The following MTSS1 variants were observed in gnomAD, a reference collection of about 807,000 sequenced individuals.
MTSS1 encodes the protein MTSS I-BAR domain containing 1.
MTSS1 carries 18 observed loss-of-function variants against 79.0 expected under a neutral mutation model. The ratio of observed to expected loss-of-function variants is 0.23; its 90% CI spans 0.16 to 0.34. The LOEUF (loss-of-function observed/expected upper bound fraction) is 0.34. Among genes scored for constraint, MTSS1 ranks in the 10% least tolerant of loss-of-function variants. The pLI, the probability that MTSS1 is intolerant of heterozygous loss-of-function variation, is 1.00. For missense variants in MTSS1, 815 were observed against 986.2 expected, an observed-to-expected ratio of 0.83 and a Z score of 2.33; for synonymous variants, 341 against 368.6, an observed-to-expected ratio of 0.93 and a Z score of 0.86.
intron 5 of MTSS1, 63 bp from the exon 6 acceptor site, chr8:124,585,224 GGAAACAGCCATTACATTTATCACA>G: frequency 8.4e-7 from 1 of 1,188,440 alleles, no homozygotes; most frequent in South Asian, 1.3e-5. Context: ...ATGTTAGGTA[GGAAACAGCCATTACATTTATCACA>G]GAAAGCATAA....
At chr8:124,567,306 G>A in intron 7 of MTSS1, 128 bp from the exon 8 acceptor site, 2 of 790,662 alleles carry the variant, frequency 2.5e-6, no homozygotes, top group Middle Eastern at 3.7e-4. Context: ...TGTTGGGACT[G>A]GCAAATCTTT....
Position 124,601,523 on chromosome 8 carries a change from C to T in MTSS1, c.209-10288G>A, listed in dbSNP as rs28709006. On this transcript the variant is annotated intron_variant, in intron 3 of 13. Transcript: ENST00000518547. ...GGGACACTGCTGCAATGGCTCATGGCAGGTTGTAATATTTTAGTTTCACTA... is the reference window on the plus strand; with the variant it reads ...GGGACACTGCTGCAATGGCTCATGGTAGGTTGTAATATTTTAGTTTCACTA... Among the ~76,000 whole-genome samples, 378 of 152,292 alleles carry T rather than the reference C, an allele frequency of 2.5e-3. 2 individuals carry two copies. The highest frequency in any genetic ancestry group is 8.8e-3 in the African/African-American group (364 of 41,546).
In MTSS1 at chr8:124,597,294, G is replaced by A. The variant is rs1192712160; in HGVS notation, c.209-6059C>T. ...AACCTTGCTGAGGGCCACATTGCTG[G>A]TCAGCAGTAGAGCCAAAATCCAAGC... On this transcript the variant is annotated intron_variant, in intron 3 of 13. Coordinates refer to ENST00000518547, the MANE Select transcript of MTSS1 (RefSeq NM_014751.6). This position sits in a 1 kb window ranked among gnomAD's most constrained non-coding sequence, Gnocchi z 4.6. 6.6e-6 allele frequency among the ~76,000 whole-genome samples: 1 copy of A among 152,146 alleles called. No homozygotes were observed. Among genetic ancestry groups the A allele is most frequent in the Admixed American group, 6.5e-5 (1 of 15,278 alleles).
chr8:124,627,658 G>T (rs544684109), intron 3 of MTSS1, among the ~76,000 whole-genome samples: 2 of 152,048 alleles, frequency 1.3e-5, no homozygotes, highest in Non-Finnish European at 2.9e-5. Context: ...AGCCCTGGGA[G>T]ATGGCCAGGG....
chr8:124,616,597 G>C (rs1587317791), intron 3 of MTSS1, among the ~76,000 whole-genome samples: 2 of 152,090 alleles, frequency 1.3e-5, no homozygotes, highest in East Asian at 3.9e-4. Flanking sequence ...ATAGTTCCCA[G>C]GTATTAGAGT....
intron 3 of MTSS1, among the ~76,000 whole-genome samples, chr8:124,618,462 T>C (rs1049326297): frequency 2.0e-5 from 3 of 152,236 alleles, no homozygotes; most frequent in African/African-American, 7.2e-5. Context: ...GCAGGGTCTG[T>C]GTACCAATTT....
intron 1 of MTSS1, among the ~76,000 whole-genome samples, chr8:124,713,613 A>G (rs1587948431): frequency 6.6e-6 from 1 of 151,974 alleles, no homozygotes; most frequent in African/African-American, 2.4e-5. Context: ...TAGTAGAGAC[A>G]GGGTTTTGCC....
intron 3 of MTSS1, among the ~76,000 whole-genome samples, chr8:124,679,707 C>T (rs1321016184): frequency 6.6e-6 from 1 of 152,226 alleles, no homozygotes; most frequent in Non-Finnish European, 1.5e-5. Flanking sequence ...GACTCATAAC[C>T]TTCCCTATCC....
chr8:124,713,912 T>C (rs1167871051), intron 1 of MTSS1, among the ~76,000 whole-genome samples: 1 of 151,732 alleles, frequency 6.6e-6, no homozygotes, highest in East Asian at 1.9e-4. Context: ...CACACCCGAC[T>C]AATTTTTGTA....
At position 124,567,108 on chromosome 8, in the gene MTSS1, G is replaced by A. The variant is rs572289506; in HGVS notation, c.689C>T (p.Thr230Ile). Reference sequence around the variant, plus strand: ...GGAGGGCAGTTTGTGAGGGTCCATGGTCAGGCTTTTTAGATCTTCCGAGAT... The same window carrying A: ...GGAGGGCAGTTTGTGAGGGTCCATGATCAGGCTTTTTAGATCTTCCGAGAT... The part of the protein sequence containing the change: ...QTISEDLKSL[T>I]MDPHKLPSSS... The change falls in exon 8 of 14, where the codon ACC (threonine) becomes ATC (isoleucine). Residue 230 changes from threonine (T) to isoleucine (I), a missense_variant. By Grantham distance (89) the Thr-to-Ile change is moderately conservative. Coordinates refer to ENST00000518547, the MANE Select transcript of MTSS1 (RefSeq NM_014751.6). 4 of 1,614,122 alleles carry A rather than the reference G, an allele frequency of 2.5e-6. No homozygotes were observed. The highest frequency in any genetic ancestry group is 3.3e-5 in the Admixed American group (2 of 60,024).
intron 13 of MTSS1, among the ~76,000 whole-genome samples, chr8:124,554,545 A>G (rs1357505128): frequency 1.3e-5 from 2 of 152,216 alleles, no homozygotes; most frequent in Non-Finnish European, 2.9e-5. Flanking sequence ...ATTATCATAG[A>G]TATATTCTAG....
At chr8:124,646,992 TGTGCCACCATACC>T (rs1819112146) in intron 3 of MTSS1, among the ~76,000 whole-genome samples, 1 of 152,122 alleles carries the variant, frequency 6.6e-6, no homozygotes, top group Non-Finnish European at 1.5e-5. Flanking sequence ...ACTACAGGCA[TGTGCCACCATACC>T]CAGCTAATTT....
intron 3 of MTSS1, among the ~76,000 whole-genome samples, chr8:124,643,713 A>AAAAAAAAAAAC (rs1818485620): frequency 6.6e-6 from 1 of 151,284 alleles, no homozygotes; most frequent in Non-Finnish European, 1.5e-5. Flanking sequence ...AAAAAAAAAA[A>AAAAAAAAAAAC]AAAAAAAAAC....
At chr8:124,625,442 C>T (rs1057118150) in intron 3 of MTSS1, among the ~76,000 whole-genome samples, 2 of 152,176 alleles carry the variant, frequency 1.3e-5, no homozygotes, top group East Asian at 3.8e-4. Flanking sequence ...GAATTACAGT[C>T]CAGGGAAATG....
At chr8:124,643,129 T>C (rs1291710310) in intron 3 of MTSS1, among the ~76,000 whole-genome samples, 1 of 152,132 alleles carries the variant, frequency 6.6e-6, no homozygotes, top group East Asian at 1.9e-4. Flanking sequence ...TAACCCCTAG[T>C]GTTAATAAGA....
At chr8:124,658,172 G>A (rs553649381) in intron 3 of MTSS1, among the ~76,000 whole-genome samples, 117 of 152,218 alleles carry the variant, frequency 7.7e-4, no homozygotes, top group Middle Eastern at 6.8e-3. Context: ...CTCCATCCCC[G>A]CCCAAATCTC....
chr8:124,559,038 G>A (rs1824678319), intron 10 of MTSS1, among the ~76,000 whole-genome samples: 1 of 152,196 alleles, frequency 6.6e-6, no homozygotes, highest in East Asian at 1.9e-4. Flanking sequence ...TCCATGCAGA[G>A]GCTTTCGAGC....
At chr8:124,629,792 C>T (rs1006055048) in intron 3 of MTSS1, among the ~76,000 whole-genome samples, 1 of 152,182 alleles carries the variant, frequency 6.6e-6, no homozygotes, top group African/African-American at 2.4e-5. Context: ...ACCACAAGGC[C>T]ACCCCCCTCC....
chr8:124,632,965 G>C (rs1047729509), intron 3 of MTSS1, among the ~76,000 whole-genome samples: 1 of 151,928 alleles, frequency 6.6e-6, no homozygotes, highest in Admixed American at 6.6e-5. Flanking sequence ...ACCACACCCG[G>C]CCTCAATCCT....
Sources: gnomAD v4.1 joint callset for allele counts (sites outside exome capture counted in the v4.1 genomes callset) on GRCh38, gnomAD v4.1.1 for gene constraint, Gnocchi (gnomAD v3.1) non-coding constraint, MANE v1.5 for transcripts, NCBI Gene and HGNC (gene_info 2026-07-23, HGNC 2026-07-21) for gene names.